RBM47: variants seen among roughly 807,000 people sequenced by gnomAD.
RBM47 encodes RNA-binding protein 47.
Under a neutral mutation model 47.1 loss-of-function variants are expected in RBM47, and 21 were observed. The observed-to-expected ratio is 0.45, with a 90% CI of 0.32 to 0.64. The LOEUF is 0.64. Ranked by LOEUF, RBM47 falls within the 30% of genes least tolerant of loss-of-function variation. RBM47 has a pLI of 0.05. For missense variants in RBM47, 708 were observed against 870.9 expected (o/e 0.81, Z 2.35); for synonymous variants, 375 against 361.7 (o/e 1.04, Z -0.42).
intron 1 of RBM47, among the ~76,000 whole-genome samples, chr4:40,568,446 A>G (rs1282778217): frequency 6.6e-6 from 1 of 150,788 alleles, no homozygotes; most frequent in Admixed American, 6.6e-5. Context: ...AAAAAAAAAA[A>G]AAAAAAAAAG....
At chr4:40,552,707 C>T (rs1346578052) in intron 1 of RBM47, among the ~76,000 whole-genome samples, 4 of 152,200 alleles carry the variant, frequency 2.6e-5, no homozygotes, top group Non-Finnish European at 2.9e-5. Flanking sequence ...GCCTGCATAG[C>T]GTGGCTTGGC....
chr4:40,446,731 C>T, intron 3 of RBM47, among the ~76,000 whole-genome samples: 1 of 112,292 alleles, frequency 8.9e-6, no homozygotes, highest in South Asian at 3.5e-4. Flanking sequence ...AGAGCAAGAC[C>T]CAGTCTCAAA....
chr4:40,535,950 C>G (rs1170800423), intron 2 of RBM47, among the ~76,000 whole-genome samples: 2 of 152,074 alleles, frequency 1.3e-5, no homozygotes, highest in Non-Finnish European at 2.9e-5. Context: ...ATCCACCCGC[C>G]TTGGCCTCCC....
In RBM47 at chr4:40,562,013, G is replaced by A. The variant is rs73147599; in HGVS notation, c.-239-17507C>T. Among the ~76,000 whole-genome samples, 278 of 152,218 alleles carry A rather than the reference G, an allele frequency of 1.8e-3. 1 individual carries two copies. The highest frequency in any genetic ancestry group is 5.9e-3 in the African/African-American group (245 of 41,540). On this transcript the variant is annotated intron_variant, in intron 1 of 6. Transcript: ENST00000295971. ...GAAACCTGTTTCTCAAATAGCCCAT[G>A]TGACTACTTACTCATTTTAAAAAGC...
intron 1 of RBM47, among the ~76,000 whole-genome samples, chr4:40,609,820 C>T (rs972957648): frequency 1.1e-4 from 17 of 152,006 alleles, no homozygotes; most frequent in African/African-American, 3.4e-4. Flanking sequence ...TCAAGCCAGG[C>T]GCTGTGGCTC....
chr4:40,487,650 C>A (rs1721284581), intron 2 of RBM47, among the ~76,000 whole-genome samples: 1 of 152,138 alleles, frequency 6.6e-6, no homozygotes, highest in South Asian at 2.1e-4. Flanking sequence ...CTGTGCTCAC[C>A]TTTCACGTCC....
At chr4:40,571,044 C>T (rs951114592) in intron 1 of RBM47, among the ~76,000 whole-genome samples, 3 of 151,950 alleles carry the variant, frequency 2.0e-5, no homozygotes, top group Admixed American at 6.6e-5. Context: ...GGTGAAATCC[C>T]GTCTCTACTA....
chr4:40,522,462 G>T (rs1640508111), intron 2 of RBM47, among the ~76,000 whole-genome samples: 1 of 152,108 alleles, frequency 6.6e-6, no homozygotes, highest in Admixed American at 6.6e-5. Context: ...CTGAGATTGT[G>T]CCACTGCATT....
At chr4:40,540,638 CAAAAAA>C (rs367927651) in intron 2 of RBM47, among the ~76,000 whole-genome samples, 2,561 of 106,950 alleles carry the variant, frequency 0.024, 42 homozygotes, top group South Asian at 0.034. Flanking sequence ...AACTCTGTCT[CAAAAAA>C]AAAAAAAAAT....
At chr4:40,469,932 G>C (rs62302031) in intron 2 of RBM47, among the ~76,000 whole-genome samples, 27,198 of 152,056 alleles carry the variant, frequency 0.18, 2,644 homozygotes, top group Middle Eastern at 0.22. Context: ...ACCATGTGCG[G>C]CCAGAATATT....
At chr4:40,596,349 G>C (rs73134430) in intron 1 of RBM47, among the ~76,000 whole-genome samples, 3,582 of 152,278 alleles carry the variant, frequency 0.024, 128 homozygotes, top group African/African-American at 0.081. Context: ...TAGGTTTAAG[G>C]GGGGGAAGAG....
At position 40,423,639 on chromosome 4, in the gene RBM47, A is replaced by G. The variant is rs890520114; in HGVS notation, c.*2265T>C. ...GGTTGCCATGTTATCATTTTTTTTT[A>G]TTCTTTCTTTCTTTTTCTTTCTTTC... On this transcript the variant is annotated 3_prime_UTR_variant, in exon 7 of 7. Coordinates refer to ENST00000295971, the MANE Select transcript of RBM47 (RefSeq NM_001098634.2). The G allele has an allele frequency of 6.8e-6, 1 of 146,690 alleles. No individual in the cohort carries two copies. The highest frequency in any genetic ancestry group is 1.5e-5 in the Non-Finnish European group (1 of 66,362). 9.1% of individuals were successfully genotyped at this position (146,690 alleles called of 1,614,324 possible).
In RBM47 at chr4:40,423,660, CTTTCTT is replaced by C. The variant is rs1230112431; in HGVS notation, c.*2238_*2243del. 1 of 25,002 alleles carries C rather than the reference CTTTCTT, an allele frequency of 4.0e-5. No individual in the cohort carries two copies. The highest frequency in any genetic ancestry group is 4.6e-4 in the Admixed American group (1 of 2,196). The allele number at this position is 25,002 out of a possible 1,614,324, so 1.5% of individuals were successfully genotyped here. ...TTTTATTCTTTCTTTCTTTTTCTTT[CTTTCTT>C]TCTTTCTTTCTTTCTTTCTTTCTTT... is the stretch of plus-strand genomic sequence containing the variant. On this transcript the variant is annotated 3_prime_UTR_variant, in exon 7 of 7. Transcript: ENST00000295971.
chr4:40,562,452 C>T (rs1033263334), intron 1 of RBM47, among the ~76,000 whole-genome samples: 1 of 149,694 alleles, frequency 6.7e-6, no homozygotes, highest in Non-Finnish European at 1.5e-5. Context: ...TCTCCTCCCA[C>T]TTCTCCCTAT....
intron 1 of RBM47, among the ~76,000 whole-genome samples, chr4:40,575,914 G>C (rs1374149644): frequency 2.6e-5 from 4 of 152,236 alleles, no homozygotes; most frequent in Non-Finnish European, 4.4e-5. Context: ...GAAAGGGTCT[G>C]ATCTCAGAGG....
intron 2 of RBM47, among the ~76,000 whole-genome samples, chr4:40,539,162 GA>G (rs1206724707): frequency 6.6e-6 from 1 of 151,168 alleles, no homozygotes; most frequent in Admixed American, 6.6e-5. Flanking sequence ...ATGTGTAATG[GA>G]AAAAAAAATC....
At chr4:40,513,970 C>T (rs1227103498) in intron 2 of RBM47, among the ~76,000 whole-genome samples, 2 of 152,082 alleles carry the variant, frequency 1.3e-5, no homozygotes, top group African/African-American at 2.4e-5. Flanking sequence ...CCACCCACCT[C>T]GGCCTTCCAA....
rs1553903525 is a variant in RBM47, at chr4:40,573,795, G to GAAAGAAAGAAA, written c.-239-29290_-239-29289insTTTCTTTCTTT. On this transcript the variant is annotated intron_variant, in intron 1 of 6. Coordinates refer to ENST00000295971, the MANE Select transcript of RBM47 (RefSeq NM_001098634.2). ...AAAGAAAGAAAGAAAGAGAGAGAGAGAGAAAGAAAGAAAAAGAAAGAAAGA... is the reference window on the plus strand; with the variant it reads ...AAAGAAAGAAAGAAAGAGAGAGAGAGAAAGAAAGAAAAGAAAGAAAGAAAAAGAAAGAAAGA... Among the ~76,000 whole-genome samples the GAAAGAAAGAAA allele has an allele frequency of 1.3e-3, 67 of 51,044 alleles. 1 individual carries two copies. The African/African-American group carries it at 0.018, about 14-fold the overall frequency. 33.5% of individuals were successfully genotyped at this position (51,044 alleles called of 152,430 possible).
intron 2 of RBM47, among the ~76,000 whole-genome samples, chr4:40,526,515 T>C (rs552491488): frequency 6.6e-6 from 1 of 152,208 alleles, no homozygotes; most frequent in African/African-American, 2.4e-5. Context: ...TTGCAAGCCA[T>C]GTGTTTTCTG....
Sources: gnomAD v4.1 joint callset for allele counts (sites outside exome capture counted in the v4.1 genomes callset) on GRCh38, gnomAD v4.1.1 for gene constraint, MANE v1.5 for transcripts, NCBI Gene and HGNC (gene_info 2026-07-23, HGNC 2026-07-21) for gene names.